PRRX1: variants seen among roughly 807,000 people sequenced by gnomAD.
PRRX1 encodes the protein paired mesoderm homeobox protein 1.
In PRRX1, 8 loss-of-function variants were observed where a neutral mutation model predicts 24.0. That is an observed-to-expected ratio of 0.33 (90% confidence interval 0.20 to 0.60). PRRX1 has a LOEUF of 0.60. PRRX1 is among the 20% of genes least tolerant of loss of function. The pLI, the probability that PRRX1 is intolerant of heterozygous loss-of-function variation, is 0.82. For missense variants in PRRX1, 281 were observed against 322.4 expected (o/e 0.87, Z 0.98); for synonymous variants, 160 against 131.7 (o/e 1.22, Z -1.47).
chr1:170,684,086 G>T lies in PRRX1; in HGVS notation c.241+19627G>T, dbSNP rs1248249018. On this transcript the variant is annotated intron_variant, in intron 1 of 3. Transcript: ENST00000239461. ...GCTGGCGAGATGGATCTAAAATTGT[G>T]CCTCACATAGTTCATATTCAGCATG... 2.0e-5 allele frequency among the ~76,000 whole-genome samples: 3 copies of T among 152,140 alleles called. No homozygotes were observed. In the East Asian group the frequency reaches 5.8e-4, roughly 29 times the overall value.
At chr1:170,695,609 C>T (rs1654140055) in intron 1 of PRRX1, among the ~76,000 whole-genome samples, 2 of 152,092 alleles carry the variant, frequency 1.3e-5, no homozygotes, top group South Asian at 4.1e-4. Flanking sequence ...TTTATGTGGC[C>T]AGGCTTGAGT....
At position 170,664,160 on chromosome 1, in the gene PRRX1, A is replaced by G; in HGVS notation, c.-59A>G. On this transcript the variant is annotated 5_prime_UTR_variant, in exon 1 of 4. Coordinates refer to ENST00000239461, the MANE Select transcript of PRRX1 (RefSeq NM_022716.4). ...GGCTCCTCTCCCCCCTCGCGCCCAC[A>G]GCGTTTGGTGTTGATTCGAGCGGGA... 2 of 1,490,792 alleles carry G rather than the reference A, an allele frequency of 1.3e-6. No individual in the cohort carries two copies. The highest frequency in any genetic ancestry group is 2.0e-5 in the Admixed American group (1 of 50,460). The allele number at this position is 1,490,792 out of a possible 1,614,324, so 92.3% of individuals were successfully genotyped here. A position where few individuals can be genotyped will look rare whatever the true frequency, so the allele number is the denominator to read the frequency against.
At chr1:170,663,293 C>A (rs1240958007), upstream of PRRX1, 1 of 152,168 alleles carries the variant, frequency 6.6e-6, no homozygotes, top group Non-Finnish European at 1.5e-5. Context: ...GAGATCTGCC[C>A]TCCCAGGGGT....
chr1:170,690,674 A>C (rs1653912239), intron 1 of PRRX1, among the ~76,000 whole-genome samples: 1 of 147,622 alleles, frequency 6.8e-6, no homozygotes, highest in Non-Finnish European at 1.5e-5. Context: ...AAGAATAATT[A>C]TAATATAAAT....
At chr1:170,720,832 C>T (rs924633335) in intron 2 of PRRX1, among the ~76,000 whole-genome samples, 3 of 152,120 alleles carry the variant, frequency 2.0e-5, no homozygotes, top group Non-Finnish European at 4.4e-5. Flanking sequence ...CATGACACAC[C>T]AACTGCAAGC....
intron 1 of PRRX1, among the ~76,000 whole-genome samples, chr1:170,714,685 G>C (rs1327259011): frequency 6.6e-6 from 1 of 152,222 alleles, no homozygotes; most frequent in Non-Finnish European, 1.5e-5. Context: ...TGCATGGCAA[G>C]AGCAAGGCCT....
intron 2 of PRRX1, among the ~76,000 whole-genome samples, chr1:170,721,315 A>G (rs1273842367): frequency 2.0e-5 from 3 of 152,182 alleles, no homozygotes. Flanking sequence ...TTGTATATCT[A>G]TGTTCAGTCT....
At chr1:170,695,252 C>T (rs1192627503) in intron 1 of PRRX1, among the ~76,000 whole-genome samples, 2 of 152,138 alleles carry the variant, frequency 1.3e-5, no homozygotes, top group Non-Finnish European at 2.9e-5. Context: ...CAAGATCAGC[C>T]AGCTAGCTGC....
intron 2 of PRRX1, among the ~76,000 whole-genome samples, chr1:170,723,294 G>A (rs1355069236): frequency 2.0e-5 from 3 of 152,022 alleles, no homozygotes; most frequent in African/African-American, 7.3e-5. Flanking sequence ...GTGTATGTTG[G>A]CCCCTCGAGC....
chr1:170,736,660 C>G lies in PRRX1; in HGVS notation c.*474C>G, dbSNP rs1386527216. The G allele has an allele frequency of 1.0e-5, 2 of 196,752 alleles. No individual in the cohort carries two copies. The highest frequency in any genetic ancestry group is 4.7e-5 in the African/African-American group (2 of 42,824). 12.2% of individuals were successfully genotyped at this position (196,752 alleles called of 1,614,324 possible). The stretch of plus-strand genomic sequence containing the variant: ...CTTCCCAGTTCTCTTTATAGAAGCT[C>G]TAGGAGCTTTCGAAAAGCCAAAGTC... On this transcript the variant is annotated 3_prime_UTR_variant, in exon 4 of 4. Coordinates refer to ENST00000239461, the MANE Select transcript of PRRX1 (RefSeq NM_022716.4).
At chr1:170,709,853 A>G (rs1654689347) in intron 1 of PRRX1, among the ~76,000 whole-genome samples, 1 of 152,254 alleles carries the variant, frequency 6.6e-6, no homozygotes, top group South Asian at 2.1e-4. Context: ...CAGTGTTTGC[A>G]GCAAGGCTGA....
At chr1:170,720,657 A>G (rs1655052915) in intron 2 of PRRX1, among the ~76,000 whole-genome samples, 2 of 152,212 alleles carry the variant, frequency 1.3e-5, no homozygotes, top group South Asian at 2.1e-4. Context: ...GTAAGTACAC[A>G]TGAGTATGAG....
At chr1:170,732,279 C>G (rs1040112428) in intron 3 of PRRX1, among the ~76,000 whole-genome samples, 2 of 152,180 alleles carry the variant, frequency 1.3e-5, no homozygotes, top group Non-Finnish European at 2.9e-5. Flanking sequence ...TCTTTCTTTT[C>G]CTAAAGCAGA....
At chr1:170,717,347 A>G (rs1244363655) in intron 1 of PRRX1, among the ~76,000 whole-genome samples, 2 of 152,246 alleles carry the variant, frequency 1.3e-5, no homozygotes, top group African/African-American at 2.4e-5. Context: ...TACTGAGATT[A>G]TGTAGCAGGT....
chr1:170,707,455 CA>C (rs1011735332), intron 1 of PRRX1, among the ~76,000 whole-genome samples: 8 of 152,230 alleles, frequency 5.3e-5, no homozygotes, highest in African/African-American at 1.9e-4. Flanking sequence ...CACCTTTGCC[CA>C]AATCAGTTAC....
chr1:170,678,873 T>G (rs564494395), intron 1 of PRRX1, among the ~76,000 whole-genome samples: 9 of 152,346 alleles, frequency 5.9e-5, no homozygotes, highest in Admixed American at 3.9e-4. Context: ...CTGGTTCACT[T>G]GCATCAGAAT....
chr1:170,680,892 A>G (rs933659176), intron 1 of PRRX1, among the ~76,000 whole-genome samples: 19 of 152,240 alleles, frequency 1.2e-4, no homozygotes, highest in Non-Finnish European at 2.9e-5. Flanking sequence ...TGACTTCTAT[A>G]ATGTGACTGT....
intron 1 of PRRX1, among the ~76,000 whole-genome samples, chr1:170,672,934 C>A (rs1653187524): frequency 6.6e-6 from 1 of 152,142 alleles, no homozygotes; most frequent in South Asian, 2.1e-4. Context: ...TGCCGAAAAT[C>A]TGTGTTGCAG....
At chr1:170,729,366 C>T (rs573571117) in intron 3 of PRRX1, among the ~76,000 whole-genome samples, 176 of 152,162 alleles carry the variant, frequency 1.2e-3, no homozygotes, top group South Asian at 2.3e-3. Context: ...AGACAGTGAG[C>T]GACAGTTTTG....
Sources: gnomAD v4.1 joint callset for allele counts (sites outside exome capture counted in the v4.1 genomes callset) on GRCh38, gnomAD v4.1.1 for gene constraint, MANE v1.5 for transcripts, NCBI Gene and HGNC (gene_info 2026-07-23, HGNC 2026-07-21) for gene names.